Variants in NRXN3 observed in about 807,000 individuals in gnomAD.
The protein encoded by NRXN3 is neurexin 3, also known as neurexin III.
In NRXN3, 32 loss-of-function variants were observed where a neutral mutation model predicts 137.6. The observed-to-expected ratio is 0.23, with a 90% CI of 0.18 to 0.31. The LOEUF (loss-of-function observed/expected upper bound fraction) is 0.31. Among genes scored for constraint, NRXN3 ranks in the 10% least tolerant of loss-of-function variants. The pLI is 1.00. For synonymous variants in NRXN3, 798 were observed against 784.5 expected (o/e 1.02, Z -0.29); for missense variants, 1,574 against 2,062.5 (o/e 0.76, Z 4.59).
chr14:79,703,422 T>C (rs987711803), intron 19 of NRXN3, among the ~76,000 whole-genome samples: 1 of 152,132 alleles, frequency 6.6e-6, no homozygotes, highest in Non-Finnish European at 1.5e-5. Context: ...CGTGGGCTTT[T>C]GCGTCAGAGT....
chr14:79,375,233 G>C (rs1358497483), intron 15 of NRXN3, among the ~76,000 whole-genome samples: 2 of 93,028 alleles, frequency 2.1e-5, no homozygotes, highest in South Asian at 7.7e-4. Context: ...TTGAGTTTTT[G>C]TGTTTTTTTT....
chr14:79,334,134 AAAC>A (rs1461774658), intron 15 of NRXN3, among the ~76,000 whole-genome samples: 1 of 152,228 alleles, frequency 6.6e-6, no homozygotes, highest in Non-Finnish European at 1.5e-5. Flanking sequence ...ATGGGGCTAA[AAAC>A]AATATAAACT....
At chr14:78,845,970 C>G (rs568283862) in intron 10 of NRXN3, among the ~76,000 whole-genome samples, 1 of 150,878 alleles carries the variant, frequency 6.6e-6, no homozygotes, top group African/African-American at 2.4e-5. Flanking sequence ...ACTTTTTACT[C>G]AGCCAACGCT....
intron 4 of NRXN3, among the ~76,000 whole-genome samples, chr14:78,560,703 T>C (rs2096778384): frequency 6.6e-6 from 1 of 152,136 alleles, no homozygotes; most frequent in Admixed American, 6.5e-5. Context: ...GCCAAAGCTA[T>C]TGGAATGCAG....
chr14:78,726,971 A>C (rs891223496), intron 8 of NRXN3, among the ~76,000 whole-genome samples: 4 of 151,788 alleles, frequency 2.6e-5, no homozygotes, highest in African/African-American at 7.3e-5. Flanking sequence ...AAAAAAAAAA[A>C]AAAAAAACCT....
At chr14:78,812,527 A>G (rs2098917272) in intron 10 of NRXN3, among the ~76,000 whole-genome samples, 1 of 152,186 alleles carries the variant, frequency 6.6e-6, no homozygotes, top group African/African-American at 2.4e-5. Flanking sequence ...TTCTATCCAC[A>G]CTTTCTCATG....
chr14:78,633,624 T>C (rs1190057684), intron 4 of NRXN3, among the ~76,000 whole-genome samples: 1 of 152,172 alleles, frequency 6.6e-6, no homozygotes, highest in Admixed American at 6.5e-5. Flanking sequence ...TTTACTTCTT[T>C]GGGAGGAAAA....
chr14:79,321,658 A>G (rs146580751), intron 15 of NRXN3, among the ~76,000 whole-genome samples: 1 of 151,802 alleles, frequency 6.6e-6, no homozygotes, highest in Non-Finnish European at 1.5e-5. Flanking sequence ...ATATGTGTAT[A>G]GTTCCTGGCA....
At chr14:78,706,889 G>T (rs1158080) in intron 6 of NRXN3, among the ~76,000 whole-genome samples, 45,634 of 152,038 alleles carry the variant, frequency 0.3, 8,839 homozygotes, top group African/African-American at 0.55. Flanking sequence ...TGAGAGATGG[G>T]AACTAATTCT....
intron 16 of NRXN3, among the ~76,000 whole-genome samples, chr14:79,615,985 G>A (rs1331928923): frequency 1.3e-5 from 2 of 152,116 alleles, no homozygotes; most frequent in Non-Finnish European, 2.9e-5. Context: ...AAGTAAGAGA[G>A]CAAGAATTCA....
intron 15 of NRXN3, among the ~76,000 whole-genome samples, chr14:79,337,520 G>T (rs1440396145): frequency 6.6e-6 from 1 of 152,144 alleles, no homozygotes; most frequent in Non-Finnish European, 1.5e-5. Flanking sequence ...GTTTCAGTTG[G>T]TCTTCCATCG....
At chr14:78,672,187 A>G (rs1197674125) in intron 6 of NRXN3, among the ~76,000 whole-genome samples, 1 of 152,214 alleles carries the variant, frequency 6.6e-6, no homozygotes, top group Non-Finnish European at 1.5e-5. Flanking sequence ...AGAGACCAAC[A>G]TGAACTAGAA....
At chr14:78,359,050 A>T (rs1397700830) in intron 4 of NRXN3, among the ~76,000 whole-genome samples, 1 of 152,184 alleles carries the variant, frequency 6.6e-6, no homozygotes, top group African/African-American at 2.4e-5. Flanking sequence ...GGGCATAGGT[A>T]GGTGGAGAAA....
chr14:79,580,078 G>A (rs567159340), intron 16 of NRXN3, among the ~76,000 whole-genome samples: 2 of 152,162 alleles, frequency 1.3e-5, no homozygotes, highest in Admixed American at 6.5e-5. Context: ...TTCATTTAAC[G>A]TAATGACTTC....
chr14:79,745,461 G>C (rs2098976762), intron 19 of NRXN3, among the ~76,000 whole-genome samples: 1 of 152,128 alleles, frequency 6.6e-6, no homozygotes, highest in Admixed American at 6.6e-5. Context: ...AGAAAAAGAA[G>C]TATCGTGGCT....
At chr14:78,696,984 T>G (rs995380752) in intron 6 of NRXN3, among the ~76,000 whole-genome samples, 5 of 152,080 alleles carry the variant, frequency 3.3e-5, no homozygotes, top group African/African-American at 1.2e-4. Context: ...GAGCCACTGT[T>G]CCCAGTTCCC....
chr14:78,773,805 T>C (rs916909769), intron 8 of NRXN3, among the ~76,000 whole-genome samples: 3 of 152,140 alleles, frequency 2.0e-5, no homozygotes, highest in Non-Finnish European at 4.4e-5. Flanking sequence ...TGTTTGTTTG[T>C]TTGTTTCTTT....
chr14:79,305,190 T>C (rs945795402), intron 15 of NRXN3, among the ~76,000 whole-genome samples: 2 of 152,102 alleles, frequency 1.3e-5, no homozygotes, highest in Admixed American at 6.6e-5. Flanking sequence ...TAATATGGTA[T>C]GTGTAGTGGT....
intron 4 of NRXN3, among the ~76,000 whole-genome samples, chr14:78,301,303 CAGG>C (rs1477226692): frequency 1.3e-5 from 2 of 152,038 alleles, no homozygotes; most frequent in Non-Finnish European, 2.9e-5. Flanking sequence ...GTTACACAGT[CAGG>C]AGGAAGAGGA....
Sources: allele counts gnomAD v4.1 joint callset (sites outside exome capture counted in the v4.1 genomes callset), GRCh38; gene constraint gnomAD v4.1.1; transcripts MANE v1.5; gene names NCBI Gene and HGNC (gene_info 2026-07-23, HGNC 2026-07-21).